The following ZNF280D variants were observed in gnomAD, a reference collection of about 807,000 sequenced individuals.
ZNF280D encodes the protein suppressor of hairy wing homolog 4.
Under a neutral mutation model 94.7 loss-of-function variants are expected in ZNF280D, and 39 were observed. The observed-to-expected ratio is 0.41, with a 90% CI of 0.32 to 0.54. ZNF280D has a LOEUF of 0.54. Among genes scored for constraint, ZNF280D ranks in the 20% least tolerant of loss-of-function variants. ZNF280D has a pLI of 0.22. For missense variants in ZNF280D, 1,090 were observed against 1,149.3 expected (o/e 0.95, Z 0.75); for synonymous variants, 398 against 377.6 (o/e 1.05, Z -0.63).
At chr15:56,690,475 C>T (rs1666682136) in intron 7 of ZNF280D, among the ~76,000 whole-genome samples, 1 of 152,174 alleles carries the variant, frequency 6.6e-6, no homozygotes, top group Admixed American at 6.5e-5. Context: ...GATTTTCACA[C>T]TATGTTCCCC....
intron 19 of ZNF280D, among the ~76,000 whole-genome samples, chr15:56,647,811 G>A (rs2052982479): frequency 1.3e-5 from 2 of 152,156 alleles, no homozygotes; most frequent in South Asian, 2.1e-4. Context: ...GGTTACAGGT[G>A]TGAGCTACCA....
intron 19 of ZNF280D, among the ~76,000 whole-genome samples, chr15:56,644,721 T>G (rs1485172271): frequency 1.3e-5 from 2 of 152,152 alleles, no homozygotes; most frequent in African/African-American, 4.8e-5. Context: ...ATGAGCCCCG[T>G]TAAGTATGTT....
intron 6 of ZNF280D, among the ~76,000 whole-genome samples, chr15:56,697,187 T>C (rs1401197723): frequency 3.9e-5 from 6 of 152,064 alleles, no homozygotes; most frequent in Admixed American, 3.9e-4. Flanking sequence ...GGAACACCTA[T>C]TACTTTTTTT....
intron 1 of ZNF280D, among the ~76,000 whole-genome samples, chr15:56,711,779 T>G (rs1310591513): frequency 2.0e-5 from 3 of 152,248 alleles, no homozygotes; most frequent in African/African-American, 7.2e-5. Context: ...ACAACAGGGA[T>G]AAGTTCTGAC....
At chr15:56,655,413 G>A (rs1215244530) in intron 17 of ZNF280D, among the ~76,000 whole-genome samples, 1 of 144,446 alleles carries the variant, frequency 6.9e-6, no homozygotes, top group Non-Finnish European at 1.5e-5. Context: ...TCACCATGTT[G>A]GTCAGGCTGG....
intron 20 of ZNF280D, among the ~76,000 whole-genome samples, 197 bp downstream of exon 20, chr15:56,642,755 G>A (rs567070086): frequency 6.6e-6 from 1 of 151,654 alleles, no homozygotes; most frequent in African/African-American, 2.4e-5. Flanking sequence ...GTCAAAACAA[G>A]AATACCTTAA....
chr15:56,654,673 G>C, intron 17 of ZNF280D, 170 bp from the exon 18 acceptor site: 1 of 658,808 alleles, frequency 1.5e-6, no homozygotes, highest in Non-Finnish European at 2.7e-6. Flanking sequence ...AAATGACATA[G>C]CCATGTCCAA....
intron 19 of ZNF280D, chr15:56,653,895 T>A: frequency 8.0e-7 from 1 of 1,255,232 alleles, no homozygotes; most frequent in Non-Finnish European, 1.0e-6. Context: ...GGAATAAGAA[T>A]CTAGTCCCAT....
At chr15:56,659,223 T>C (rs1384126244) in intron 16 of ZNF280D, among the ~76,000 whole-genome samples, 1 of 150,382 alleles carries the variant, frequency 6.6e-6, no homozygotes, top group Non-Finnish European at 1.5e-5. Flanking sequence ...AAAACAATGT[T>C]TCCTCTAAGC....
intron 16 of ZNF280D, among the ~76,000 whole-genome samples, chr15:56,662,422 A>G (rs1353373322): frequency 6.6e-6 from 1 of 152,216 alleles, no homozygotes; most frequent in East Asian, 1.9e-4. Flanking sequence ...TTTTATAATT[A>G]AAACAAATAA....
chr15:56,693,279 T>G lies in ZNF280D; in HGVS notation c.382-64A>C, dbSNP rs1596526517. The G allele has an allele frequency of 8.5e-6, 4 of 470,696 alleles. No homozygotes were observed. The East Asian group carries it at 2.2e-4, about 26-fold the overall frequency. The allele number at this position is 470,696 out of a possible 1,614,324, so 29.2% of individuals were successfully genotyped here. On this transcript the variant is annotated intron_variant, in intron 6 of 21. Coordinates refer to ENST00000267807, the MANE Select transcript of ZNF280D (RefSeq NM_017661.4). Reference sequence around the variant, plus strand: ...AACAGTTATAATTATTTCAATATAATTATATATTATGTAATTTTATATAAT... The same window carrying G: ...AACAGTTATAATTATTTCAATATAAGTATATATTATGTAATTTTATATAAT...
rs1566959705 is a variant in ZNF280D, at chr15:56,669,889, T to TA, written c.1411-933dup. ...ATATATATTTTATATATATATATAT[T>TA]ATATATATATATAATATATATATAT... is the stretch of plus-strand genomic sequence containing the variant. On this transcript the variant is annotated intron_variant, in intron 13 of 21. Transcript: ENST00000267807. Among the ~76,000 whole-genome samples, 7 of 1,946 alleles carry TA rather than the reference T, an allele frequency of 3.6e-3. 1 individual carries two copies. The highest frequency in any genetic ancestry group is 7.0e-3 in the African/African-American group (7 of 1,004). The allele number at this position is 1,946 out of a possible 152,430, so 1.3% of individuals were successfully genotyped here. A position where few individuals can be genotyped will look rare whatever the true frequency, so the allele number is the denominator to read the frequency against.
intron 19 of ZNF280D, among the ~76,000 whole-genome samples, chr15:56,650,861 T>G (rs939055607): frequency 5.9e-5 from 9 of 152,156 alleles, no homozygotes; most frequent in Non-Finnish European, 1.3e-4. Flanking sequence ...ATGACTGAGT[T>G]TGACTTTGCC....
At chr15:56,706,875 G>A (rs776764572) in intron 3 of ZNF280D, among the ~76,000 whole-genome samples, 14 of 152,068 alleles carry the variant, frequency 9.2e-5, no homozygotes, top group Non-Finnish European at 1.5e-4. Flanking sequence ...ATTGGTAAAA[G>A]TAGTTTCTTC....
intron 1 of ZNF280D, among the ~76,000 whole-genome samples, chr15:56,729,451 T>C (rs2058782060): frequency 1.3e-5 from 2 of 152,204 alleles, no homozygotes; most frequent in African/African-American, 4.8e-5. Context: ...TAAGGAAAAC[T>C]ATACCTACTC....
chr15:56,637,694 C>G (rs2052424077), intron 20 of ZNF280D, among the ~76,000 whole-genome samples: 1 of 152,088 alleles, frequency 6.6e-6, no homozygotes, highest in Non-Finnish European at 1.5e-5. Flanking sequence ...CAGGAGGCAT[C>G]TGAAGTCACA....
intron 19 of ZNF280D, among the ~76,000 whole-genome samples, chr15:56,643,691 AG>A (rs1241637322): frequency 1.3e-5 from 2 of 151,924 alleles, no homozygotes; most frequent in African/African-American, 4.8e-5. Flanking sequence ...TCTTTGTTTT[AG>A]AAGCTGCAGA....
At chr15:56,725,047 A>G in intron 1 of ZNF280D, 1 of 323,616 alleles carries the variant, frequency 3.1e-6, no homozygotes, top group South Asian at 2.6e-5. Flanking sequence ...AGAGATTAGG[A>G]TTATACCTAA....
chr15:56,687,915 G>T (rs2056140006), intron 9 of ZNF280D, among the ~76,000 whole-genome samples: 1 of 151,924 alleles, frequency 6.6e-6, no homozygotes. Flanking sequence ...GTAAAATGCT[G>T]AATTTCAATA....
Sources: allele counts gnomAD v4.1 joint callset (sites outside exome capture counted in the v4.1 genomes callset), GRCh38; gene constraint gnomAD v4.1.1; transcripts MANE v1.5; gene names NCBI Gene and HGNC (gene_info 2026-07-23, HGNC 2026-07-21).